The following ZNF44 variants were observed in gnomAD, a reference collection of about 807,000 sequenced individuals.
ZNF44 encodes the protein gonadotropin inducible transcription repressor-2.
In ZNF44, 9 loss-of-function variants were observed where a neutral mutation model predicts 11.7. That is an observed-to-expected ratio of 0.77 (90% confidence interval 0.46 to 1.35). The LOEUF (loss-of-function observed/expected upper bound fraction) is 1.35. ZNF44 is among the 40% of genes most tolerant of loss of function. The pLI, the probability that ZNF44 is intolerant of heterozygous loss-of-function variation, is 0.00. For synonymous variants in ZNF44, 224 were observed against 242.7 expected (o/e 0.92, Z 0.72); for missense variants, 696 against 743.1 (o/e 0.94, Z 0.74).
chr19:12,264,731 T>C (rs566992098), intron 5 of ZNF44, among the ~76,000 whole-genome samples: 1 of 152,286 alleles, frequency 6.6e-6, no homozygotes, highest in South Asian at 2.1e-4. Context: ...GGTCTCACTC[T>C]GTCACCCAGG....
rs549358897 is a variant in ZNF44 at position 12,273,618 on chromosome 19, G to A, written c.637C>T (p.Arg213Cys). The A allele has an allele frequency of 1.6e-5, 26 of 1,614,074 alleles. No homozygotes were observed. In the Admixed American group the frequency reaches 2.8e-4, roughly 18 times the overall value. The change falls in exon 4 of 4, where the codon CGT (arginine) becomes TGT (cysteine). Residue 213 changes from arginine to cysteine, a missense_variant. Coordinates refer to ENST00000355684, the MANE Select transcript of ZNF44 (RefSeq NM_016264.4). The part of the protein sequence containing the change: ...GKAFFWPSLL[R>C]MHERTHTGEK... ...CCAGTGTGAGTTCTTTCATGCATAC[G>A]TAATAAACTGGGCCAAAAAAAGGCT...
intron 5 of ZNF44, among the ~76,000 whole-genome samples, chr19:12,256,058 A>C (rs1321841530): frequency 2.7e-5 from 4 of 147,136 alleles, no homozygotes; most frequent in East Asian, 2.0e-4. Flanking sequence ...AAAAAAAAAA[A>C]AAAAAACAGC....
chr19:12,268,172 A>G (rs1917808253), downstream of ZNF44, among the ~76,000 whole-genome samples: 1 of 143,146 alleles, frequency 7.0e-6, no homozygotes, highest in Non-Finnish European at 1.5e-5. Flanking sequence ...ACACACACAC[A>G]CACACACACA....
At chr19:12,248,938 G>C (rs1916872330) in intron 7 of ZNF44, among the ~76,000 whole-genome samples, 1 of 150,114 alleles carries the variant, frequency 6.7e-6, no homozygotes, top group Admixed American at 6.6e-5. Context: ...CTGTCACCCA[G>C]GCTACACTCT....
chr19:12,250,677 G>A (rs1204167994), intron 5 of ZNF44: 2 of 423,874 alleles, frequency 4.7e-6, no homozygotes, highest in African/African-American at 4.1e-5. Context: ...TTCTTTGTGA[G>A]AAAAACTCAT....
chr19:12,281,988 C>A (rs1967492728), intron 1 of ZNF44, among the ~76,000 whole-genome samples: 1 of 152,172 alleles, frequency 6.6e-6, no homozygotes, highest in African/African-American at 2.4e-5. Context: ...ACAATCTCTT[C>A]CAGAAAACAG....
upstream of ZNF44, among the ~76,000 whole-genome samples, chr19:12,238,625 A>C (rs1165403565): frequency 1.1e-5 from 1 of 88,396 alleles, no homozygotes; most frequent in East Asian, 2.7e-4. Flanking sequence ...AGACTGTCTC[A>C]AAAAAAAAAA....
At chr19:12,260,022 C>A in intron 5 of ZNF44, 1 of 457,378 alleles carries the variant, frequency 2.2e-6, no homozygotes. Context: ...TATACAGTCC[C>A]CCCTCCACTC....
chr19:12,225,849 T>G (rs1040396196), downstream of ZNF44, among the ~76,000 whole-genome samples: 6 of 152,220 alleles, frequency 3.9e-5, no homozygotes, highest in Admixed American at 2.6e-4. Flanking sequence ...GGTTTCCTAT[T>G]TATTTCCTCC....
downstream of ZNF44, among the ~76,000 whole-genome samples, chr19:12,268,628 G>T (rs1917828981): frequency 6.6e-6 from 1 of 152,106 alleles, no homozygotes; most frequent in Non-Finnish European, 1.5e-5. Flanking sequence ...CTGTCACCCA[G>T]GCTGGAGTAC....
downstream of ZNF44, among the ~76,000 whole-genome samples, chr19:12,243,431 G>A (rs1006119787): frequency 6.6e-6 from 1 of 152,220 alleles, no homozygotes; most frequent in Non-Finnish European, 1.5e-5. Context: ...GTGGGATCAT[G>A]AAGTATTTGC....
upstream of ZNF44, among the ~76,000 whole-genome samples, chr19:12,239,412 CCTT>C (rs1295726108): frequency 4.1e-5 from 5 of 123,338 alleles, no homozygotes; most frequent in East Asian, 4.3e-4. Flanking sequence ...CTGCACCTGG[CCTT>C]TTTTTTTTTT....
intron 3 of ZNF44, among the ~76,000 whole-genome samples, chr19:12,229,924 T>G (rs1015216274): frequency 1.3e-5 from 2 of 151,886 alleles, no homozygotes; most frequent in African/African-American, 4.8e-5. Context: ...GAAGAAAGAT[T>G]TAGGAAGAAA....
At chr19:12,266,236 C>G (rs372438172) in intron 5 of ZNF44, 1 of 985,300 alleles carries the variant, frequency 1.0e-6, no homozygotes, top group East Asian at 1.1e-4. Context: ...CAGCCAGCCC[C>G]TCCTCCCGCG....
chr19:12,238,624 C>CAAAAA (rs760047200), upstream of ZNF44, among the ~76,000 whole-genome samples: 1 of 62,668 alleles, frequency 1.6e-5, no homozygotes, highest in Non-Finnish European at 3.5e-5. Flanking sequence ...GAGACTGTCT[C>CAAAAA]AAAAAAAAAA....
chr19:12,262,846 C>T (rs1419973267), intron 5 of ZNF44, among the ~76,000 whole-genome samples: 2 of 152,138 alleles, frequency 1.3e-5, no homozygotes, highest in Non-Finnish European at 2.9e-5. Flanking sequence ...AGGGAAACTA[C>T]AGTTGAAGCA....
chr19:12,266,415 G>A (rs1917729680), intron 5 of ZNF44: 2 of 908,946 alleles, frequency 2.2e-6, no homozygotes, highest in African/African-American at 1.8e-5. Context: ...GCCAAGGCGA[G>A]AGGGAAAAAA....
downstream of ZNF44, among the ~76,000 whole-genome samples, chr19:12,243,143 TC>T (rs1488288286): frequency 6.6e-6 from 1 of 152,198 alleles, no homozygotes; most frequent in Admixed American, 6.5e-5. Context: ...CAGTAAACAT[TC>T]CTTTTTTATT....
intron 5 of ZNF44, among the ~76,000 whole-genome samples, chr19:12,261,685 T>C (rs931011260): frequency 1.3e-5 from 2 of 152,132 alleles, no homozygotes; most frequent in Admixed American, 6.6e-5. Flanking sequence ...CAATAGTGAA[T>C]AGGAAAAATA....
Sources: allele counts gnomAD v4.1 joint callset (sites outside exome capture counted in the v4.1 genomes callset), GRCh38; gene constraint gnomAD v4.1.1; transcripts MANE v1.5; gene names NCBI Gene and HGNC (gene_info 2026-07-23, HGNC 2026-07-21).